The following AGO4 variants were observed in gnomAD, a reference collection of about 807,000 sequenced individuals.
AGO4 encodes the protein protein argonaute-4.
AGO4 carries 33 observed loss-of-function variants against 104.7 expected under a neutral mutation model. That is an observed-to-expected ratio of 0.32 (90% CI 0.24 to 0.42). The LOEUF (loss-of-function observed/expected upper bound fraction) is 0.42. Ranked by LOEUF, AGO4 falls within the 10% of genes least tolerant of loss-of-function variation. The probability of loss-of-function intolerance (pLI) is 1.00; values close to 1 mark genes in which losing one functional copy is unlikely to be tolerated. For missense variants in AGO4, 711 were observed against 1,083.4 expected, an observed-to-expected ratio of 0.66 and a Z score of 4.83; for synonymous variants, 331 against 364.7, an observed-to-expected ratio of 0.91 and a Z score of 1.05.
At chr1:35,850,073 T>C in intron 15 of AGO4, 84 bp from the exon 16 acceptor site, 2 of 825,792 alleles carry the variant, frequency 2.4e-6, no homozygotes, top group Non-Finnish European at 1.9e-6. Flanking sequence ...ACCAACTTGC[T>C]CCCAATTAAC....
At chr1:35,842,149 G>T (rs923757252) in intron 15 of AGO4, among the ~76,000 whole-genome samples, 4 of 152,034 alleles carry the variant, frequency 2.6e-5, no homozygotes, top group Non-Finnish European at 4.4e-5. Context: ...ATCCGCATAG[G>T]ACACGGGTCC....
intron 2 of AGO4, among the ~76,000 whole-genome samples, chr1:35,817,943 T>G (rs1643763226): frequency 6.6e-6 from 1 of 152,218 alleles, no homozygotes; most frequent in Non-Finnish European, 1.5e-5. Flanking sequence ...GGTATTGCCC[T>G]GTGCTCTGGG....
rs1255252675 is a variant in AGO4, at chr1:35,856,921, A to G, written c.*3316A>G. 1 of 151,864 alleles carries G rather than the reference A, an allele frequency of 6.6e-6. No homozygotes were observed. Among genetic ancestry groups the G allele is most frequent in the Non-Finnish European group, 1.5e-5 (1 of 68,022 alleles). 9.4% of individuals were successfully genotyped at this position (151,864 alleles called of 1,614,324 possible). ...GGTGTTCTTAGCTGTTGAATCCTGA[A>G]TGGTTTATAAAGTGAACTAGCTGGC... On this transcript the variant is annotated 3_prime_UTR_variant, in exon 18 of 18. Transcript: ENST00000373210.
At chr1:35,830,715 C>G (rs1644160264) in intron 7 of AGO4, among the ~76,000 whole-genome samples, 1 of 152,102 alleles carries the variant, frequency 6.6e-6, no homozygotes, top group African/African-American at 2.4e-5. Flanking sequence ...GTGGCTCACA[C>G]CTGTGATCCC....
chr1:35,819,511 C>T (rs1054910429), intron 2 of AGO4, among the ~76,000 whole-genome samples: 9 of 151,692 alleles, frequency 5.9e-5, no homozygotes, highest in African/African-American at 1.5e-4. Context: ...GGGTGGATCA[C>T]GAGGTCAGAA....
intron 7 of AGO4, among the ~76,000 whole-genome samples, chr1:35,829,532 A>G (rs1446918183): frequency 6.6e-6 from 1 of 152,174 alleles, no homozygotes; most frequent in East Asian, 1.9e-4. Flanking sequence ...AGGCTGTGGC[A>G]GTTAAGAAAA....
chr1:35,814,029 C>T (rs1415453898), intron 1 of AGO4, among the ~76,000 whole-genome samples: 5 of 143,332 alleles, frequency 3.5e-5, no homozygotes, highest in South Asian at 2.3e-4. Context: ...AAGCCGAGAT[C>T]GCACCACTGC....
intron 16 of AGO4, among the ~76,000 whole-genome samples, chr1:35,850,499 G>C (rs746016457): frequency 6.6e-6 from 1 of 151,934 alleles, no homozygotes; most frequent in East Asian, 1.9e-4. Flanking sequence ...TATTAATCAG[G>C]CCAGGCATGG....
In AGO4 at chr1:35,831,411, A is replaced by G. The variant is rs1350603730; in HGVS notation, c.849-16A>G. 6.4e-7 allele frequency: 1 copy of G among 1,568,430 alleles called. No homozygotes were observed. Among genetic ancestry groups the G allele is most frequent in the Admixed American group, 2.1e-5 (1 of 47,418 alleles). On this transcript the variant is annotated splice_polypyrimidine_tract_variant and intron_variant, in intron 7 of 17. Coordinates refer to ENST00000373210, the MANE Select transcript of AGO4 (RefSeq NM_017629.4). ...AACTTGAAGAAATATTCTAAAAAAG[A>G]CATTCTCTCCTATAGTTTTCCTTTG...
intron 12 of AGO4, among the ~76,000 whole-genome samples, chr1:35,835,611 G>A (rs1644294361): frequency 6.6e-6 from 1 of 152,038 alleles, no homozygotes; most frequent in Non-Finnish European, 1.5e-5. Flanking sequence ...TGGCTGCAGG[G>A]CCTGCAGGAG....
chr1:35,838,562 C>T (rs181458145), intron 13 of AGO4, among the ~76,000 whole-genome samples: 9 of 152,190 alleles, frequency 5.9e-5, no homozygotes, highest in African/African-American at 1.9e-4. Context: ...TTTAAGAAAC[C>T]CTGTCTGTCC....
chr1:35,827,899 C>A (rs772783229), intron 7 of AGO4, among the ~76,000 whole-genome samples: 5 of 149,854 alleles, frequency 3.3e-5, no homozygotes, highest in Non-Finnish European at 7.4e-5. Flanking sequence ...TACAGGCATG[C>A]ACCACCACAC....
At chr1:35,827,926 G>T (rs1476722679) in intron 7 of AGO4, among the ~76,000 whole-genome samples, 3 of 146,706 alleles carry the variant, frequency 2.0e-5, no homozygotes, top group Non-Finnish European at 3.0e-5. Context: ...AATTTTTTTT[G>T]TAGAGGTGGG....
At chr1:35,840,736 G>A (rs977871646) in intron 13 of AGO4, among the ~76,000 whole-genome samples, 1 of 152,136 alleles carries the variant, frequency 6.6e-6, no homozygotes, top group Non-Finnish European at 1.5e-5. Context: ...TTCTGCCTCA[G>A]CCTCCCAAGT....
chr1:35,831,606 A>T, intron 8 of AGO4, 32 bp downstream of exon 8: 1 of 1,605,176 alleles, frequency 6.2e-7, no homozygotes, highest in South Asian at 1.1e-5. Flanking sequence ...CAATTTGCTG[A>T]TCTCTTGAAT....
chr1:35,824,816 T>C (rs974256114), intron 3 of AGO4, among the ~76,000 whole-genome samples: 3 of 152,128 alleles, frequency 2.0e-5, no homozygotes, highest in African/African-American at 7.2e-5. Context: ...AAACTTATGA[T>C]GTTATGTTAC....
rs1251573821 is a variant in AGO4, at chr1:35,831,808, G to C, written c.997-4G>C. 1 of 1,613,916 alleles carries C rather than the reference G, an allele frequency of 6.2e-7. No homozygotes were observed. The highest frequency in any genetic ancestry group is 1.7e-5 in the Admixed American group (1 of 59,982). On this transcript the variant is annotated splice_region_variant and splice_polypyrimidine_tract_variant and intron_variant, in intron 8 of 17. Transcript: ENST00000373210. ...CAAACCAATTTCTCTTTGTCTCTTG[G>C]CAGGTCTGTAATATAGTGGCAGGAC...
chr1:35,831,775 C>G (rs781715684), intron 8 of AGO4, 37 bp from the exon 9 acceptor site: 6 of 1,612,884 alleles, frequency 3.7e-6, no homozygotes, highest in South Asian at 1.1e-5. Flanking sequence ...GATGTGGAAC[C>G]CTTTACACAA....
In AGO4 at chr1:35,845,458, C is replaced by T. The variant is rs1441414235; in HGVS notation, c.2175+3708C>T. On this transcript the variant is annotated intron_variant, in intron 15 of 17. Transcript: ENST00000373210. ...CTGACCTCAAGTGATTCACCCACCT[C>T]GGCCTCCCAAAGTGCTGGGATTACA... Among the ~76,000 whole-genome samples, 8 of 152,066 alleles carry T rather than the reference C, an allele frequency of 5.3e-5. No homozygotes were observed. In the East Asian group the frequency reaches 1.4e-3, roughly 26 times the overall value.
Sources: gnomAD v4.1 joint callset for allele counts (sites outside exome capture counted in the v4.1 genomes callset) on GRCh38, gnomAD v4.1.1 for gene constraint, MANE v1.5 for transcripts, NCBI Gene and HGNC (gene_info 2026-07-23, HGNC 2026-07-21) for gene names.